Variants in NBEA observed in about 807,000 individuals in gnomAD.
NBEA encodes neurobeachin, also known as lysosomal-trafficking regulator 2.
In NBEA, 44 loss-of-function variants were observed where a neutral mutation model predicts 343.4. The ratio of observed to expected loss-of-function variants is 0.13; its 90% CI spans 0.10 to 0.16. The LOEUF (loss-of-function observed/expected upper bound fraction) is 0.16, where lower values mean the gene tolerates loss of function less well. Ranked by LOEUF, NBEA falls within the 10% of genes least tolerant of loss-of-function variation. NBEA has a pLI of 1.00. For missense variants in NBEA, 2,555 were observed against 3,631.3 expected, an observed-to-expected ratio of 0.70 and a Z score of 7.62; for synonymous variants, 1,175 against 1,238.7, an observed-to-expected ratio of 0.95 and a Z score of 1.08.
At chr13:35,456,230 T>C (rs1266488427) in intron 40 of NBEA, among the ~76,000 whole-genome samples, 1 of 152,060 alleles carries the variant, frequency 6.6e-6, no homozygotes, top group Admixed American at 6.5e-5. Flanking sequence ...TCTATAGCTT[T>C]AAATGTCATA....
chr13:35,070,914 G>T, intron 10 of NBEA, 62 bp downstream of exon 10: 3 of 1,575,744 alleles, frequency 1.9e-6, no homozygotes, highest in Non-Finnish European at 2.6e-6. Flanking sequence ...TATGCATGAT[G>T]TACTCAGTGC....
intron 38 of NBEA, among the ~76,000 whole-genome samples, chr13:35,381,176 C>A (rs2041994183): frequency 6.6e-6 from 1 of 152,092 alleles, no homozygotes; most frequent in South Asian, 2.1e-4. Context: ...TACCCTCTGG[C>A]AATGTTTTTG....
At chr13:35,164,887 A>G (rs1056501866) in intron 24 of NBEA, among the ~76,000 whole-genome samples, 1 of 152,148 alleles carries the variant, frequency 6.6e-6, no homozygotes, top group Non-Finnish European at 1.5e-5. Context: ...ATTTGTTTCT[A>G]TATAAAACAT....
chr13:35,358,544 C>A (rs2040624763), intron 38 of NBEA, among the ~76,000 whole-genome samples: 1 of 151,470 alleles, frequency 6.6e-6, no homozygotes, highest in Non-Finnish European at 1.5e-5. Flanking sequence ...ATGGTGAAAC[C>A]CTGTCTCTAC....
chr13:35,417,805 G>T (rs8189168), intron 38 of NBEA, among the ~76,000 whole-genome samples: 71 of 151,856 alleles, frequency 4.7e-4, no homozygotes, highest in African/African-American at 1.3e-3. Context: ...ACTTTCTGTC[G>T]CGTTGATCTG....
chr13:34,983,793 T>C (rs1356459524), intron 1 of NBEA, among the ~76,000 whole-genome samples: 2 of 152,228 alleles, frequency 1.3e-5, no homozygotes, highest in East Asian at 1.9e-4. Context: ...CACTTTTTCA[T>C]GTGTCTGTTG....
intron 55 of NBEA, among the ~76,000 whole-genome samples, chr13:35,657,940 A>C (rs527918954): frequency 6.6e-6 from 1 of 152,238 alleles, no homozygotes; most frequent in East Asian, 1.9e-4. Flanking sequence ...TATTAAAGAA[A>C]AATATTAAAT....
intron 41 of NBEA, among the ~76,000 whole-genome samples, chr13:35,491,938 A>C (rs764167699): frequency 6.6e-6 from 1 of 152,032 alleles, no homozygotes; most frequent in African/African-American, 2.4e-5. Context: ...TAACATAAAA[A>C]GTTCTTTGTC....
chr13:35,600,338 A>T (rs28715001), intron 47 of NBEA, among the ~76,000 whole-genome samples: 1 of 152,112 alleles, frequency 6.6e-6, no homozygotes, highest in East Asian at 1.9e-4. Context: ...GACCTGATGA[A>T]TTTTTGCATG....
In NBEA at chr13:35,583,390, C is replaced by T. The variant is rs1396482697; in HGVS notation, c.7036-508C>T. 2.0e-5 allele frequency among the ~76,000 whole-genome samples: 3 copies of T among 152,086 alleles called. No homozygotes were observed. The East Asian group carries it at 5.8e-4, about 29-fold the overall frequency. On this transcript the variant is annotated intron_variant, in intron 45 of 58. Transcript: ENST00000379939. ...TTAACAGTAAAAAGGATAGTTGTTCCATCTATATACTAACAGAATGAGACT... is the reference window on the plus strand; with the variant it reads ...TTAACAGTAAAAAGGATAGTTGTTCTATCTATATACTAACAGAATGAGACT...
At chr13:35,208,484 A>C (rs1291684030) in intron 31 of NBEA, among the ~76,000 whole-genome samples, 1 of 152,164 alleles carries the variant, frequency 6.6e-6, no homozygotes, top group African/African-American at 2.4e-5. Flanking sequence ...GTCTTCAAAA[A>C]TGTTGGCCAA....
At chr13:35,514,235 T>G (rs2077394920) in intron 41 of NBEA, among the ~76,000 whole-genome samples, 1 of 152,188 alleles carries the variant, frequency 6.6e-6, no homozygotes, top group African/African-American at 2.4e-5. Flanking sequence ...GCTCAGTAGT[T>G]TGATATACTC....
intron 2 of NBEA, among the ~76,000 whole-genome samples, chr13:35,041,714 A>C (rs1292959656): frequency 6.6e-6 from 1 of 151,992 alleles, no homozygotes; most frequent in African/African-American, 2.4e-5. Context: ...TTTCAAGATA[A>C]AAATACTAAT....
intron 37 of NBEA, 149 bp from the exon 38 acceptor site, chr13:35,352,008 A>C (rs1390399151): frequency 9.7e-6 from 4 of 413,062 alleles, no homozygotes; most frequent in Middle Eastern, 6.4e-4. Context: ...AGGTGACTAT[A>C]TGTATTCTTT....
intron 1 of NBEA, among the ~76,000 whole-genome samples, chr13:34,946,725 G>A (rs2059195810): frequency 6.8e-6 from 1 of 147,880 alleles, no homozygotes; most frequent in South Asian, 2.1e-4. Flanking sequence ...TACATTCTAA[G>A]TGGCATGCTG....
chr13:35,544,467 C>A (rs1169740471), intron 41 of NBEA, among the ~76,000 whole-genome samples: 1 of 152,112 alleles, frequency 6.6e-6, no homozygotes, highest in African/African-American at 2.4e-5. Context: ...ATGTTTCTGA[C>A]AACATATACA....
chr13:35,509,789 G>A (rs2077206925), intron 41 of NBEA, among the ~76,000 whole-genome samples: 1 of 152,168 alleles, frequency 6.6e-6, no homozygotes, highest in South Asian at 2.1e-4. Flanking sequence ...GGCGAACAGT[G>A]CCAAATCTGA....
chr13:35,357,288 T>A (rs1387904326), intron 38 of NBEA, among the ~76,000 whole-genome samples: 1 of 152,044 alleles, frequency 6.6e-6, no homozygotes, highest in Non-Finnish European at 1.5e-5. Flanking sequence ...TTTTTTTGTT[T>A]TTCTTTTTTG....
rs894667190 is a variant in NBEA at position 35,115,514 on chromosome 13, T to G, written c.2003-1900T>G. ...CTTTTCTTTACTTGGGTGCTTATTA[T>G]TTTTTACTATGTTTTACTCTTGCTA... is the stretch of plus-strand genomic sequence containing the variant. On this transcript the variant is annotated intron_variant, in intron 13 of 58. Transcript: ENST00000379939. Among the ~76,000 whole-genome samples the G allele has an allele frequency of 2.0e-5, 3 of 152,134 alleles. 1 individual carries two copies. The South Asian group carries it at 6.2e-4, about 31-fold the overall frequency.
Sources: allele counts gnomAD v4.1 joint callset (sites outside exome capture counted in the v4.1 genomes callset), GRCh38; gene constraint gnomAD v4.1.1; transcripts MANE v1.5; gene names NCBI Gene and HGNC (gene_info 2026-07-23, HGNC 2026-07-21).